Variants in VMP1 observed in about 807,000 individuals in gnomAD.
VMP1 encodes the protein ectopic P-granules autophagy protein 3 homolog.
VMP1 carries 11 observed loss-of-function variants against 56.0 expected under a neutral mutation model. The ratio of observed to expected loss-of-function variants is 0.20; its 90% CI spans 0.12 to 0.32. The LOEUF is 0.32. VMP1 is among the 10% of genes least tolerant of loss of function. The pLI, the probability that VMP1 is intolerant of heterozygous loss-of-function variation, is 1.00. For missense variants in VMP1, 296 were observed against 490.3 expected, an observed-to-expected ratio of 0.60 and a Z score of 3.74; for synonymous variants, 149 against 165.0, an observed-to-expected ratio of 0.90 and a Z score of 0.74.
At chr17:59,838,506 T>C in intron 11 of VMP1, 109 bp downstream of exon 11, 1 of 1,134,022 alleles carries the variant, frequency 8.8e-7, no homozygotes, top group Non-Finnish European at 1.3e-6. Context: ...GGTTTGCCAG[T>C]GTTCCTTGAC....
chr17:59,786,104 A>T (rs2036998374), intron 7 of VMP1, among the ~76,000 whole-genome samples: 1 of 152,220 alleles, frequency 6.6e-6, no homozygotes, highest in Non-Finnish European at 1.5e-5. Flanking sequence ...ATAAAACCAA[A>T]AAACAGTTTA....
intron 9 of VMP1, among the ~76,000 whole-genome samples, chr17:59,812,907 G>A (rs1403673368): frequency 1.3e-5 from 2 of 152,132 alleles, no homozygotes; most frequent in South Asian, 2.1e-4. Context: ...CTCCAGCCTG[G>A]CAACAGAGCA....
At chr17:59,768,229 T>A (rs1252460479) in intron 6 of VMP1, among the ~76,000 whole-genome samples, 1 of 152,242 alleles carries the variant, frequency 6.6e-6, no homozygotes, top group Non-Finnish European at 1.5e-5. Context: ...TGTCTCGTTA[T>A]ATTAAAAATA....
rs187616422 is a variant in VMP1, at chr17:59,809,793, A to G, written c.795+917A>G. Among the ~76,000 whole-genome samples the G allele has an allele frequency of 7.7e-4, 117 of 152,146 alleles. 1 individual carries two copies. The highest frequency in any genetic ancestry group is 6.2e-3 in the Admixed American group (94 of 15,270). On this transcript the variant is annotated intron_variant, in intron 8 of 11. Coordinates refer to ENST00000262291, the MANE Select transcript of VMP1 (RefSeq NM_030938.5). ...AGTACTGGGATTACAGGTGTGAGCT[A>G]CTGCACCCAGCCCAATTCAACTTAT... is the stretch of plus-strand genomic sequence containing the variant.
chr17:59,822,326 CTTTTTTT>C (rs774358954), intron 10 of VMP1, among the ~76,000 whole-genome samples: 3 of 125,354 alleles, frequency 2.4e-5, no homozygotes, highest in Non-Finnish European at 4.9e-5. Context: ...GTAGGAAATA[CTTTTTTT>C]TTTTTTTTTT....
chr17:59,788,896 A>G lies in VMP1; in HGVS notation c.714+15011A>G, dbSNP rs920931023. Among the ~76,000 whole-genome samples the G allele has an allele frequency of 2.6e-3, 395 of 151,764 alleles. 1 individual carries two copies. The highest frequency in any genetic ancestry group is 8.4e-3 in the African/African-American group (348 of 41,446). Reference sequence around the variant, plus strand: ...CACCTGTTTGCAGATATGGCGGTGGAAAAAGCACTGGGTAAGCATTAGGTT... The same window carrying G: ...CACCTGTTTGCAGATATGGCGGTGGGAAAAGCACTGGGTAAGCATTAGGTT... On this transcript the variant is annotated intron_variant, in intron 7 of 11. Coordinates refer to ENST00000262291, the MANE Select transcript of VMP1 (RefSeq NM_030938.5).
intron 1 of VMP1, among the ~76,000 whole-genome samples, chr17:59,731,158 G>T (rs1228236423): frequency 1.3e-5 from 2 of 152,108 alleles, no homozygotes; most frequent in Admixed American, 1.3e-4. Context: ...CAATCTGGAA[G>T]ATCCCTGAAA....
chr17:59,722,149 G>A (rs1383977048), intron 1 of VMP1, among the ~76,000 whole-genome samples: 1 of 152,114 alleles, frequency 6.6e-6, no homozygotes, highest in Non-Finnish European at 1.5e-5. Context: ...TGAGTGTTAG[G>A]ACTTCACCAT....
At chr17:59,800,326 G>A (rs1181463128) in intron 7 of VMP1, among the ~76,000 whole-genome samples, 1 of 152,088 alleles carries the variant, frequency 6.6e-6, no homozygotes, top group Non-Finnish European at 1.5e-5. Context: ...CTACTATGCT[G>A]AAAAAACTTA....
chr17:59,730,311 G>A (rs1050144393), intron 1 of VMP1, among the ~76,000 whole-genome samples: 1 of 151,734 alleles, frequency 6.6e-6, no homozygotes, highest in African/African-American at 2.4e-5. Flanking sequence ...TTTTGCCCAG[G>A]CTGTAATGCA....
chr17:59,841,141 A>C lies in VMP1; in HGVS notation c.*1230A>C, dbSNP rs1277323511. 3 of 289,816 alleles carry C rather than the reference A, an allele frequency of 1.0e-5. No individual in the cohort carries two copies. Among genetic ancestry groups the C allele is most frequent in the African/African-American group, 6.4e-5 (3 of 46,614 alleles). The allele number at this position is 289,816 out of a possible 1,614,324, so 18.0% of individuals were successfully genotyped here. A position where few individuals can be genotyped will look rare whatever the true frequency, so the allele number is the denominator to read the frequency against. On this transcript the variant is annotated 3_prime_UTR_variant, in exon 12 of 12. Transcript: ENST00000262291. ...CAGAATAGAATAGAATTGGGGTTCG[A>C]TCTTAACAGGCCAGAAATGCCTGGG...
intron 7 of VMP1, among the ~76,000 whole-genome samples, chr17:59,778,458 G>A (rs1388068209): frequency 1.3e-5 from 2 of 151,798 alleles, no homozygotes; most frequent in African/African-American, 4.8e-5. Flanking sequence ...CAGGAGAATG[G>A]TGTGAACCTG....
At chr17:59,790,299 T>C (rs2037179986) in intron 7 of VMP1, among the ~76,000 whole-genome samples, 1 of 152,222 alleles carries the variant, frequency 6.6e-6, no homozygotes, top group South Asian at 2.1e-4. Context: ...GGCATGATAA[T>C]TCATTCAGTG....
chr17:59,755,742 G>GTTTTT (rs57646102), intron 5 of VMP1, among the ~76,000 whole-genome samples: 4 of 140,418 alleles, frequency 2.8e-5, no homozygotes, highest in African/African-American at 7.9e-5. Context: ...TTGGTTTTTG[G>GTTTTT]TTTTTTTTTT....
At chr17:59,740,076 CAAA>C (rs912542092) in intron 5 of VMP1, among the ~76,000 whole-genome samples, 3 of 104,558 alleles carry the variant, frequency 2.9e-5, no homozygotes, top group African/African-American at 3.3e-5. Flanking sequence ...GACTCCGTCT[CAAA>C]AAAAAAAAAA....
intron 4 of VMP1, among the ~76,000 whole-genome samples, chr17:59,738,087 T>C (rs1279822173): frequency 6.6e-6 from 1 of 152,174 alleles, no homozygotes; most frequent in Non-Finnish European, 1.5e-5. Context: ...AATGTAACTT[T>C]CCTGAAGGTT....
At chr17:59,767,733 TG>T (rs761733754) in intron 6 of VMP1, among the ~76,000 whole-genome samples, 5 of 152,166 alleles carry the variant, frequency 3.3e-5, no homozygotes, top group Non-Finnish European at 7.3e-5. Context: ...TTAGTTAATT[TG>T]GCTGGTATGG....
intron 1 of VMP1, among the ~76,000 whole-genome samples, chr17:59,722,862 T>C (rs1231233814): frequency 6.6e-6 from 1 of 152,206 alleles, no homozygotes; most frequent in African/African-American, 2.4e-5. Flanking sequence ...GCCTAGGTGA[T>C]AGAGCAAGAC....
chr17:59,720,157 A>G, intron 1 of VMP1, among the ~76,000 whole-genome samples: 1 of 152,242 alleles, frequency 6.6e-6, no homozygotes, highest in East Asian at 1.9e-4. Flanking sequence ...TAAACAGACT[A>G]GGAATACTTG....
Sources: gnomAD v4.1 joint callset for allele counts (sites outside exome capture counted in the v4.1 genomes callset) on GRCh38, gnomAD v4.1.1 for gene constraint, MANE v1.5 for transcripts, NCBI Gene and HGNC (gene_info 2026-07-23, HGNC 2026-07-21) for gene names.